The following IDE variants were observed in gnomAD, a reference collection of about 807,000 sequenced individuals.
IDE encodes the protein insulin-degrading enzyme.
A neutral mutation model predicts 133.2 loss-of-function variants in IDE; 58 were observed. That is an observed-to-expected ratio of 0.44 (90% CI 0.35 to 0.54). IDE has a LOEUF of 0.54. Among genes scored for constraint, IDE ranks in the 20% least tolerant of loss-of-function variants. The probability of loss-of-function intolerance (pLI) is 0.00; values close to 1 mark genes in which losing one functional copy is unlikely to be tolerated. For synonymous variants in IDE, 396 were observed against 421.3 expected (o/e 0.94, Z 0.73); for missense variants, 981 against 1,234.0 (o/e 0.79, Z 3.07).
At chr10:92,461,135 C>A in intron 22 of IDE, 56 bp downstream of exon 22, 2 of 868,114 alleles carry the variant, frequency 2.3e-6, no homozygotes, top group South Asian at 2.8e-5. Flanking sequence ...GCCGCCATAC[C>A]CAGCCCTATA....
intron 1 of IDE, among the ~76,000 whole-genome samples, chr10:92,556,725 T>G (rs1372809985): frequency 6.6e-6 from 1 of 151,892 alleles, no homozygotes; most frequent in African/African-American, 2.4e-5. Flanking sequence ...GCCACTGCAC[T>G]CCAGCCTGGG....
intron 1 of IDE, among the ~76,000 whole-genome samples, chr10:92,545,571 TG>T (rs1842503800): frequency 6.6e-6 from 1 of 152,220 alleles, no homozygotes; most frequent in Admixed American, 6.5e-5. Flanking sequence ...TTTTCTTATC[TG>T]GGAATATCTG....
intron 13 of IDE, among the ~76,000 whole-genome samples, chr10:92,484,519 G>A (rs1220393724): frequency 6.6e-6 from 1 of 152,088 alleles, no homozygotes; most frequent in Non-Finnish European, 1.5e-5. Context: ...GATGACTTGA[G>A]GCCAGGAGTT....
intron 14 of IDE, chr10:92,480,479 G>A (rs1846540130): frequency 6.6e-6 from 1 of 152,228 alleles, no homozygotes; most frequent in Admixed American, 6.5e-5. Context: ...AATAGGGAAT[G>A]ATGGGGTGAT....
intron 4 of IDE, among the ~76,000 whole-genome samples, chr10:92,520,824 T>C (rs1361510038): frequency 6.6e-6 from 1 of 152,178 alleles, no homozygotes; most frequent in East Asian, 1.9e-4. Context: ...CAGCTCTTGT[T>C]TTCAGTAAAT....
intron 4 of IDE, among the ~76,000 whole-genome samples, chr10:92,522,460 C>T (rs1192424635): frequency 6.6e-6 from 1 of 151,904 alleles, no homozygotes; most frequent in African/African-American, 2.4e-5. Context: ...CCACTACCAC[C>T]CTATCTCTCT....
chr10:92,561,382 A>G (rs893617093), intron 1 of IDE, among the ~76,000 whole-genome samples: 1 of 152,252 alleles, frequency 6.6e-6, no homozygotes. Flanking sequence ...TATAGTTGCC[A>G]TAAGGATCAA....
At chr10:92,463,691 C>T in intron 21 of IDE, 40 bp downstream of exon 21, 1 of 1,564,856 alleles carries the variant, frequency 6.4e-7, no homozygotes, top group African/African-American at 1.4e-5. Context: ...TCAAATGTTA[C>T]TTGAATGCCA....
intron 11 of IDE, among the ~76,000 whole-genome samples, chr10:92,495,031 G>A (rs1174348769): frequency 3.3e-5 from 5 of 151,942 alleles, no homozygotes; most frequent in Non-Finnish European, 7.4e-5. Context: ...AAGCCATTTA[G>A]CCTCTCTAAA....
intron 1 of IDE, 66 bp downstream of exon 1, chr10:92,573,856 G>A: frequency 8.8e-7 from 1 of 1,137,864 alleles, no homozygotes; most frequent in Non-Finnish European, 1.2e-6. Flanking sequence ...TCACCACTTT[G>A]CAACCCGAGC....
At chr10:92,485,816 G>A (rs915419802) in intron 13 of IDE, among the ~76,000 whole-genome samples, 6 of 152,024 alleles carry the variant, frequency 3.9e-5, no homozygotes, top group East Asian at 1.9e-4. Flanking sequence ...TGTGGTGTGC[G>A]TCTGTAATCC....
At chr10:92,506,573 CT>C (rs34053974) in intron 9 of IDE, 51 bp from the exon 10 acceptor site, 155,433 of 648,294 alleles carry the variant, frequency 0.24, 1 homozygote, top group East Asian at 0.29. Flanking sequence ...ATTTAGAAAC[CT>C]TTTTTTTTTT....
chr10:92,464,966 G>A (rs1466884709), intron 20 of IDE, among the ~76,000 whole-genome samples: 3 of 152,160 alleles, frequency 2.0e-5, no homozygotes, highest in South Asian at 2.1e-4. Context: ...CACCGTGCCC[G>A]GCCAATAGTT....
At chr10:92,464,474 T>C (rs906443981) in intron 20 of IDE, among the ~76,000 whole-genome samples, 9 of 152,256 alleles carry the variant, frequency 5.9e-5, no homozygotes, top group African/African-American at 2.2e-4. Context: ...AATGCAACTC[T>C]CTAGAGATCA....
At position 92,465,847 on chromosome 10, in the gene IDE, G is replaced by A. The variant is rs752902215; in HGVS notation, c.2321-4C>T. 1 of 1,613,500 alleles carries A rather than the reference G, an allele frequency of 6.2e-7. No individual in the cohort carries two copies. ...TGCTGATAAACAAACCATCCTCCTA[G>A]GAAGTTTCAAAAAGACAGCAGCAAG... On this transcript the variant is annotated splice_region_variant and splice_polypyrimidine_tract_variant and intron_variant, in intron 19 of 24. Coordinates refer to ENST00000265986, the MANE Select transcript of IDE (RefSeq NM_004969.4).
intron 1 of IDE, among the ~76,000 whole-genome samples, chr10:92,541,905 A>C (rs1298106429): frequency 2.0e-5 from 3 of 152,144 alleles, no homozygotes; most frequent in Non-Finnish European, 4.4e-5. Flanking sequence ...AGATCCCCTC[A>C]TCTTACATAC....
intron 7 of IDE, among the ~76,000 whole-genome samples, 188 bp downstream of exon 7, chr10:92,508,540 C>G (rs1226431628): frequency 6.9e-6 from 1 of 145,002 alleles, no homozygotes; most frequent in East Asian, 2.0e-4. Flanking sequence ...ATGGCGAAAC[C>G]CCATCTCTAT....
intron 11 of IDE, among the ~76,000 whole-genome samples, chr10:92,503,849 G>C (rs1183357208): frequency 6.6e-6 from 1 of 151,644 alleles, no homozygotes; most frequent in African/African-American, 2.4e-5. Context: ...CTCCCGAGTA[G>C]CTGGGATTAC....
intron 23 of IDE, 96 bp downstream of exon 23, chr10:92,456,263 T>G (rs538228335): frequency 1.2e-6 from 1 of 854,372 alleles, no homozygotes; most frequent in Non-Finnish European, 2.0e-6. Flanking sequence ...CTCTACCTCT[T>G]TTACTTTCTG....
Sources: allele counts gnomAD v4.1 joint callset (sites outside exome capture counted in the v4.1 genomes callset), GRCh38; gene constraint gnomAD v4.1.1; transcripts MANE v1.5; gene names NCBI Gene and HGNC (gene_info 2026-07-23, HGNC 2026-07-21).